Variants in ZFYVE26 observed in about 807,000 individuals in gnomAD.
ZFYVE26 encodes zinc finger FYVE domain-containing protein 26.
Under a neutral mutation model 276.5 loss-of-function variants are expected in ZFYVE26, and 181 were observed. The ratio of observed to expected loss-of-function variants is 0.65; its 90% CI spans 0.58 to 0.74. The LOEUF is 0.74. Among genes scored for constraint, ZFYVE26 ranks in the 30% least tolerant of loss-of-function variants. The pLI is 0.00. For missense variants in ZFYVE26, 2,821 were observed against 3,097.9 expected, an observed-to-expected ratio of 0.91 and a Z score of 2.12; for synonymous variants, 1,129 against 1,203.1, an observed-to-expected ratio of 0.94 and a Z score of 1.27.
In ZFYVE26 at chr14:67,748,336, A is replaced by T; in HGVS notation, c.*100T>A. 1 of 1,357,338 alleles carries T rather than the reference A, an allele frequency of 7.4e-7. No individual in the cohort carries two copies. Among genetic ancestry groups the T allele is most frequent in the Non-Finnish European group, 1.0e-6 (1 of 985,692 alleles). 84.1% of individuals were successfully genotyped at this position (1,357,338 alleles called of 1,614,324 possible). Reference sequence around the variant, plus strand: ...ACTCTTTCCAACCTAGGGCAGAGCCAGAGAAGTCCCACTCCACTGGAGGAA... The same window carrying T: ...ACTCTTTCCAACCTAGGGCAGAGCCTGAGAAGTCCCACTCCACTGGAGGAA... On this transcript the variant is annotated 3_prime_UTR_variant, in exon 42 of 42. Coordinates refer to ENST00000347230, the MANE Select transcript of ZFYVE26 (RefSeq NM_015346.4).
chr14:67,790,518 T>G, intron 15 of ZFYVE26, 54 bp downstream of exon 15: 1 of 1,592,134 alleles, frequency 6.3e-7, no homozygotes, highest in Non-Finnish European at 8.6e-7. Context: ...TTCTCCCCTT[T>G]TACCCCCTCT....
Position 67,806,588 on chromosome 14 carries a change from A to C in ZFYVE26, c.974T>G (p.Phe325Cys). The C allele has an allele frequency of 6.2e-7, 1 of 1,614,232 alleles. No homozygotes were observed. Among genetic ancestry groups the C allele is most frequent in the Non-Finnish European group, 8.5e-7 (1 of 1,180,034 alleles). The change falls in exon 6 of 42, where the codon TTC (phenylalanine) becomes TGC (cysteine). Residue 325 changes from phenylalanine (F) to cysteine (C), a missense_variant. By Grantham distance (205) the Phe-to-Cys change is radical. Transcript: ENST00000347230. ...GTGTTTGTTGTTGCTCAGGCAGTAG[A>C]AATAGGCCACTTTCCAAGCCTCGGC... ...NPAEAWKVAYFYCLSNNKHFL... is the reference protein window; with the variant it reads ...NPAEAWKVAYCYCLSNNKHFL...
chr14:67,745,648 A>C (rs1038975664), downstream of ZFYVE26, among the ~76,000 whole-genome samples: 1 of 152,064 alleles, frequency 6.6e-6, no homozygotes, highest in African/African-American at 2.4e-5. Flanking sequence ...CAAAGACCCT[A>C]CACCTGGTTT....
chr14:67,786,176 A>T lies in ZFYVE26; in HGVS notation c.3077T>A (p.Val1026Asp). ...NADGIRGFPV[V>D]LQQISKSLNY... is the part of the protein sequence containing the mutation. ...GAGACTCTTACTGATTTGCTGAAGAACAACTGGAAAACCTCGAATGCCATC... is the reference window on the plus strand; with the variant it reads ...GAGACTCTTACTGATTTGCTGAAGATCAACTGGAAAACCTCGAATGCCATC... Residue 1026 changes from valine (V) to aspartate (D), a missense_variant, in exon 17 of 42, where the codon GTT becomes GAT. Transcript: ENST00000347230. The T allele has an allele frequency of 6.2e-7, 1 of 1,614,042 alleles. No individual in the cohort carries two copies.
chr14:67,781,109 T>G (rs964725952), intron 22 of ZFYVE26, among the ~76,000 whole-genome samples: 2 of 152,192 alleles, frequency 1.3e-5, no homozygotes, highest in African/African-American at 4.8e-5. Context: ...ATTTTGTTAT[T>G]TTTACCCTCA....
intron 23 of ZFYVE26, among the ~76,000 whole-genome samples, chr14:67,778,806 G>A (rs2039421023): frequency 6.6e-6 from 1 of 151,398 alleles, no homozygotes; most frequent in Non-Finnish European, 1.5e-5. Context: ...CCACATGGTG[G>A]TGTCTGGAAT....
At chr14:67,745,521 GA>G (rs1376335275), downstream of ZFYVE26, among the ~76,000 whole-genome samples, 2 of 151,836 alleles carry the variant, frequency 1.3e-5, no homozygotes, top group African/African-American at 4.8e-5. Flanking sequence ...TGTTTCCGGG[GA>G]AAGGAGATAA....
Position 67,815,891 on chromosome 14 carries a change from G to A in ZFYVE26, c.73C>T (p.Arg25Trp), listed in dbSNP as rs1382306389. 6.2e-7 allele frequency: 1 copy of A among 1,613,938 alleles called. No homozygotes were observed. Among genetic ancestry groups the A allele is most frequent in the Non-Finnish European group, 8.5e-7 (1 of 1,179,976 alleles). Residue 25 changes from arginine to tryptophan, a missense_variant, in exon 2 of 42, where the codon CGG (arginine) becomes TGG (tryptophan). Transcript: ENST00000347230. Reference protein sequence around the residue: ...QLFGFFCECLRRGEWELAQAC... With the variant: ...QLFGFFCECLWRGEWELAQAC... ...TGTGCCAGCTCCCATTCTCCCCTCC[G>A]CAGGCATTCGCAGAAAAATCCAAAA...
At position 67,767,817 on chromosome 14, in the gene ZFYVE26, T is replaced by C. The variant is rs749301920; in HGVS notation, c.5677A>G (p.Ser1893Gly). Reference protein sequence around the residue: ...PEALDSSKNESPPYSFVVRVP... With the variant: ...PEALDSSKNEGPPYSFVVRVP... Reference sequence around the variant, plus strand: ...CTCACCACAAACGAGTATGGAGGGCTTTCATTCTTGGAGCTGTCTAGAGCT... The same window carrying C: ...CTCACCACAAACGAGTATGGAGGGCCTTCATTCTTGGAGCTGTCTAGAGCT... The change falls in exon 31 of 42, where the codon AGC becomes GGC. Residue 1893 changes from serine to glycine, a missense_variant. By Grantham distance (56) the Ser-to-Gly change is moderately conservative. Transcript: ENST00000347230. 6.2e-7 allele frequency: 1 copy of C among 1,614,198 alleles called. No homozygotes were observed. Among genetic ancestry groups the C allele is most frequent in the Non-Finnish European group, 8.5e-7 (1 of 1,180,036 alleles).
intron 27 of ZFYVE26, among the ~76,000 whole-genome samples, chr14:67,774,625 C>T (rs1380807290): frequency 1.3e-5 from 2 of 152,040 alleles, no homozygotes; most frequent in Admixed American, 1.3e-4. Context: ...GTGGGGGTGG[C>T]CTGAGGCAAG....
intron 41 of ZFYVE26, among the ~76,000 whole-genome samples, chr14:67,750,148 A>T (rs1018073303): frequency 6.6e-6 from 1 of 152,036 alleles, no homozygotes; most frequent in African/African-American, 2.4e-5. Context: ...TCTCAGTCTG[A>T]CTCTAGAAAA....
Position 67,768,567 on chromosome 14 carries a change from A to G in ZFYVE26, c.5622-19T>C. 6.2e-7 allele frequency: 1 copy of G among 1,613,702 alleles called. No homozygotes were observed. The highest frequency in any genetic ancestry group is 8.5e-7 in the Non-Finnish European group (1 of 1,179,620). The stretch of plus-strand genomic sequence containing the variant: ...TGGTACACTGAAAACAGAGAAAGAA[A>G]AATTATTAAATAAATGCCTGAGTCA... On this transcript the variant is annotated intron_variant, in intron 29 of 41. Coordinates refer to ENST00000347230, the MANE Select transcript of ZFYVE26 (RefSeq NM_015346.4).
At chr14:67,738,646 G>A (rs925229359) in intron 13 of ZFYVE26, among the ~76,000 whole-genome samples, 6 of 151,976 alleles carry the variant, frequency 3.9e-5, no homozygotes, top group African/African-American at 1.4e-4. Flanking sequence ...TAAAAGCACA[G>A]AAAAAGATAT....
Position 67,794,255 on chromosome 14 carries a change from A to G in ZFYVE26, c.2333-16T>C, listed in dbSNP as rs763557720. 3.7e-6 allele frequency: 6 copies of G among 1,613,104 alleles called. No individual in the cohort carries two copies. Among genetic ancestry groups the G allele is most frequent in the African/African-American group, 2.7e-5 (2 of 74,920 alleles). On this transcript the variant is annotated splice_polypyrimidine_tract_variant and intron_variant, in intron 12 of 41. Coordinates refer to ENST00000347230, the MANE Select transcript of ZFYVE26 (RefSeq NM_015346.4). ...TCTCGGCCATCTACAGGTATTGGGA[A>G]GAAGAGAGAAAGTCAATTATCAGCT...
chr14:67,780,156 A>T, intron 23 of ZFYVE26, 85 bp downstream of exon 23: 1 of 1,222,988 alleles, frequency 8.2e-7, no homozygotes, highest in Non-Finnish European at 1.2e-6. Flanking sequence ...GAACATTGAT[A>T]TGCAGAAAGG....
At chr14:67,729,141 T>C in intron 14 of ZFYVE26, 1 of 1,586,090 alleles carries the variant, frequency 6.3e-7, no homozygotes, top group South Asian at 1.1e-5. Flanking sequence ...TAAGCTGTTT[T>C]CCTGGGCTCA....
In ZFYVE26 at chr14:67,769,452, T is replaced by C; in HGVS notation, c.5621+142A>G. ...CAAAGTCAGTGTACAAACCCTTCAGTGTAGAGTTAATGGCATTTCAGTGTG... is the reference window on the plus strand; with the variant it reads ...CAAAGTCAGTGTACAAACCCTTCAGCGTAGAGTTAATGGCATTTCAGTGTG... On this transcript the variant is annotated intron_variant, in intron 29 of 41. Coordinates refer to ENST00000347230, the MANE Select transcript of ZFYVE26 (RefSeq NM_015346.4). The C allele has an allele frequency of 8.6e-6, 11 of 1,272,312 alleles. 1 individual carries two copies. Among genetic ancestry groups the C allele is most frequent in the Middle Eastern group, 5.1e-4 (2 of 3,948 alleles). The allele number at this position is 1,272,312 out of a possible 1,614,324, so 78.8% of individuals were successfully genotyped here. A position where few individuals can be genotyped will look rare whatever the true frequency, so the allele number is the denominator to read the frequency against.
At chr14:67,777,950 T>C (rs1200600397) in intron 24 of ZFYVE26, among the ~76,000 whole-genome samples, 176 bp downstream of exon 24, 1 of 152,060 alleles carries the variant, frequency 6.6e-6, no homozygotes, top group Non-Finnish European at 1.5e-5. Flanking sequence ...CCGCCCCATC[T>C]GGCACCTAAT....
intron 35 of ZFYVE26, 80 bp from the exon 36 acceptor site, chr14:67,756,225 T>C: frequency 1.4e-6 from 2 of 1,444,388 alleles, no homozygotes; most frequent in East Asian, 2.3e-5. Context: ...AATTTCCTTC[T>C]ATTGATGAAC....
Sources: allele counts gnomAD v4.1 joint callset (sites outside exome capture counted in the v4.1 genomes callset), GRCh38; gene constraint gnomAD v4.1.1; transcripts MANE v1.5; gene names NCBI Gene and HGNC (gene_info 2026-07-23, HGNC 2026-07-21).